The following JUP variants were observed in gnomAD, a reference collection of about 807,000 sequenced individuals.
JUP encodes catenin (cadherin-associated protein), gamma 80kDa.
JUP carries 28 observed loss-of-function variants against 71.1 expected under a neutral mutation model. The observed-to-expected ratio is 0.39, with a 90% CI of 0.29 to 0.54. The LOEUF is 0.54. JUP is among the 20% of genes least tolerant of loss of function. The probability of loss-of-function intolerance (pLI) is 0.62; values close to 1 mark genes in which losing one functional copy is unlikely to be tolerated. For synonymous variants in JUP, 401 were observed against 438.9 expected, an observed-to-expected ratio of 0.91 and a Z score of 1.08; for missense variants, 869 against 1,030.1, an observed-to-expected ratio of 0.84 and a Z score of 2.14.
At chr17:41,766,656 A>C (rs1453145105) in intron 5 of JUP, among the ~76,000 whole-genome samples, 2 of 152,136 alleles carry the variant, frequency 1.3e-5, no homozygotes, top group Non-Finnish European at 2.9e-5. Flanking sequence ...AGAGTTCGAG[A>C]CCAGCCTGGC....
At chr17:41,785,714 T>A (rs1403443539) in intron 1 of JUP, among the ~76,000 whole-genome samples, 1 of 152,158 alleles carries the variant, frequency 6.6e-6, no homozygotes, top group Non-Finnish European at 1.5e-5. Flanking sequence ...CAATAAGAGG[T>A]TAGAGAAGAC....
intron 2 of JUP, among the ~76,000 whole-genome samples, chr17:41,770,894 G>A (rs1381088701): frequency 6.6e-6 from 1 of 152,212 alleles, no homozygotes; most frequent in Non-Finnish European, 1.5e-5. Context: ...CTACCCAAAG[G>A]GGAATCCCTG....
intron 1 of JUP, among the ~76,000 whole-genome samples, chr17:41,773,971 C>T (rs1332390679): frequency 6.6e-6 from 1 of 152,230 alleles, no homozygotes; most frequent in Non-Finnish European, 1.5e-5. Flanking sequence ...GGTCAACAAA[C>T]ACACTGCATC....
In JUP at chr17:41,755,757, T is replaced by C; in HGVS notation, c.2225A>G (p.His742Arg). 1 of 1,590,802 alleles carries C rather than the reference T, an allele frequency of 6.3e-7. No homozygotes were observed. The highest frequency in any genetic ancestry group is 1.1e-5 in the South Asian group (1 of 88,342). ...GGGCCAGGCCGCCTAGGCCAGCATG[T>C]GGTCTGCAGTGGGGTACGGGGGCCT... ...GLRPPYPTAD[H>R]MLA The change falls in exon 14 of 14, where the codon CAC becomes CGC. Residue 742 changes from histidine (H) to arginine (R), a missense_variant. His to Arg is a conservative substitution (Grantham distance 29, BLOSUM62 0). Coordinates refer to ENST00000393931, the MANE Select transcript of JUP (RefSeq NM_002230.4).
chr17:41,771,895 G>A (rs1555607205), intron 1 of JUP, 33 bp from the exon 2 acceptor site: 17 of 1,549,242 alleles, frequency 1.1e-5, no homozygotes, highest in Non-Finnish European at 1.5e-5. Context: ...CAGGAAGCAG[G>A]AAGTCACCTG....
At chr17:41,774,491 G>A (rs938625989) in intron 1 of JUP, among the ~76,000 whole-genome samples, 7 of 151,902 alleles carry the variant, frequency 4.6e-5, no homozygotes, top group African/African-American at 1.7e-4. Context: ...GCACCACCAC[G>A]CCTGGCTAAT....
At chr17:41,773,315 C>G in intron 1 of JUP, among the ~76,000 whole-genome samples, 1 of 152,222 alleles carries the variant, frequency 6.6e-6, no homozygotes, top group East Asian at 1.9e-4. Context: ...CGCCCTGGCC[C>G]TCCAGGAGGA....
rs551929957 is a variant in JUP, at chr17:41,759,807, C to T, written c.1498-937G>A. On this transcript the variant is annotated intron_variant, in intron 8 of 13. Coordinates refer to ENST00000393931, the MANE Select transcript of JUP (RefSeq NM_002230.4). ...AATGACTTGCCAAAGTCACTTGCCA[C>T]TTAGCTGCTGGGTTAGGATGCAAAG... 2.8e-3 allele frequency among the ~76,000 whole-genome samples: 432 copies of T among 152,250 alleles called. 1 individual carries two copies. Among genetic ancestry groups the T allele is most frequent in the African/African-American group, 9.8e-3 (409 of 41,544 alleles).
chr17:41,764,744 A>AG lies in JUP; in HGVS notation c.1126dup (p.Leu376ProfsTer29). The AG allele has an allele frequency of 6.2e-7, 1 of 1,613,202 alleles. No homozygotes were observed. The highest frequency in any genetic ancestry group is 8.5e-7 in the Non-Finnish European group (1 of 1,179,970). ...GGTGGCCACATCTGAGAGGTTGCGC[A>AG]GGGTCCACAGGCAGTTCTGCACCAG... On this transcript the variant is annotated frameshift_variant, in exon 7 of 14. Coordinates refer to ENST00000393931, the MANE Select transcript of JUP (RefSeq NM_002230.4). LOFTEE classifies it high-confidence loss of function.
rs781789207 is a variant in JUP at position 41,758,545 on chromosome 17, G to C, written c.1654-27C>G. ...TGTGTGAGAGGAGGCAGGGGGCATG[G>C]GACAGGTGCCTTGGACATGGCCACA... On this transcript the variant is annotated intron_variant, in intron 9 of 13. Transcript: ENST00000393931. 1.9e-5 allele frequency: 30 copies of C among 1,601,196 alleles called. No homozygotes were observed. In the Admixed American group the frequency reaches 4.7e-4, roughly 25 times the overall value.
At chr17:41,766,025 C>G (rs942362761) in intron 5 of JUP, among the ~76,000 whole-genome samples, 5 of 152,112 alleles carry the variant, frequency 3.3e-5, no homozygotes, top group African/African-American at 1.2e-4. Context: ...GAGGCTGAAG[C>G]AGGAGGATTC....
At position 41,778,288 on chromosome 17, in the gene JUP, G is replaced by A. The variant is rs143413675; in HGVS notation, c.-8-6426C>T. Among the ~76,000 whole-genome samples, 242 of 152,288 alleles carry A rather than the reference G, an allele frequency of 1.6e-3. 1 individual carries two copies. The highest frequency in any genetic ancestry group is 5.4e-3 in the African/African-American group (223 of 41,552). On this transcript the variant is annotated intron_variant, in intron 1 of 13. Coordinates refer to ENST00000393931, the MANE Select transcript of JUP (RefSeq NM_002230.4). ...GGCTAAAATCTGTTACTGTAGGCAG[G>A]GTGCAGTGGCTCACCCCTGTAATCC... is the stretch of plus-strand genomic sequence containing the variant.
chr17:41,765,661 T>C (rs1286041711), intron 5 of JUP, among the ~76,000 whole-genome samples: 1 of 152,090 alleles, frequency 6.6e-6, no homozygotes, highest in South Asian at 2.1e-4. Flanking sequence ...CCCACCCCAA[T>C]AGTTTCATGA....
At chr17:41,780,938 T>C (rs1336342899) in intron 1 of JUP, among the ~76,000 whole-genome samples, 1 of 151,966 alleles carries the variant, frequency 6.6e-6, no homozygotes, top group Admixed American at 6.6e-5. Context: ...CCCAGCACTT[T>C]GGGAGGCCGA....
intron 1 of JUP, among the ~76,000 whole-genome samples, chr17:41,774,836 C>T (rs1555608179): frequency 6.6e-6 from 1 of 152,040 alleles, no homozygotes; most frequent in Non-Finnish European, 1.5e-5. Flanking sequence ...GGTGCGGTGG[C>T]TCACACCTGT....
chr17:41,758,105 T>C (rs1055335491), intron 10 of JUP: 5 of 524,072 alleles, frequency 9.5e-6, no homozygotes, highest in African/African-American at 1.9e-5. Flanking sequence ...TTAAAAATGC[T>C]TTTTTAGGTT....
intron 13 of JUP, 56 bp from the exon 14 acceptor site, chr17:41,755,951 C>T: frequency 6.4e-7 from 1 of 1,567,244 alleles, no homozygotes. Flanking sequence ...CTGCAGGGAG[C>T]AGTCTGCACA....
intron 1 of JUP, chr17:41,776,080 A>C: frequency 1.4e-6 from 1 of 702,274 alleles, no homozygotes; most frequent in Non-Finnish European, 1.8e-6. Flanking sequence ...CCTGGAAATA[A>C]GGACAGGAGT....
intron 1 of JUP, among the ~76,000 whole-genome samples, chr17:41,780,837 G>C (rs1385167485): frequency 6.6e-6 from 1 of 152,078 alleles, no homozygotes; most frequent in African/African-American, 2.4e-5. Context: ...CTGAGGTCAG[G>C]AGTTCAAGAC....
Sources: gnomAD v4.1 joint callset for allele counts (sites outside exome capture counted in the v4.1 genomes callset) on GRCh38, gnomAD v4.1.1 for gene constraint, MANE v1.5 for transcripts, NCBI Gene and HGNC (gene_info 2026-07-23, HGNC 2026-07-21) for gene names.